Variants in ADARB2 observed in about 807,000 individuals in gnomAD.
ADARB2 encodes the protein adenosine deaminase RNA specific B2 (inactive).
Under a neutral mutation model 62.2 loss-of-function variants are expected in ADARB2, and 25 were observed. The observed-to-expected ratio is 0.40, with a 90% confidence interval of 0.29 to 0.56. ADARB2 has a LOEUF of 0.56. Ranked by LOEUF, ADARB2 falls within the 20% of genes least tolerant of loss-of-function variation. The pLI is 0.43. For missense variants in ADARB2, 1,071 were observed against 1,077.4 expected (o/e 0.99, Z 0.08); for synonymous variants, 572 against 500.8 (o/e 1.14, Z -1.90).
intron 1 of ADARB2, among the ~76,000 whole-genome samples, chr10:1,414,147 T>G (rs905040849): frequency 5.3e-5 from 8 of 152,208 alleles, no homozygotes; most frequent in African/African-American, 1.9e-4. Context: ...TGTCCTGGAA[T>G]TGCTCAACCT....
At chr10:1,706,716 C>A (rs1834894134) in intron 1 of ADARB2, among the ~76,000 whole-genome samples, 1 of 152,172 alleles carries the variant, frequency 6.6e-6, no homozygotes, top group Non-Finnish European at 1.5e-5. Flanking sequence ...GTATTTTTAT[C>A]TTCTGCCTGT....
intron 1 of ADARB2, among the ~76,000 whole-genome samples, chr10:1,659,434 C>A (rs900735048): frequency 2.6e-5 from 4 of 152,188 alleles, no homozygotes; most frequent in Admixed American, 1.3e-4. Context: ...AACGAAAAAA[C>A]CAAACTGACT....
At chr10:1,516,378 G>T (rs1446805473) in intron 1 of ADARB2, among the ~76,000 whole-genome samples, 4 of 152,234 alleles carry the variant, frequency 2.6e-5, no homozygotes, top group African/African-American at 9.6e-5. Context: ...CCGAGGTGCA[G>T]CTGGATTCAG....
At chr10:1,295,947 G>A (rs1461797243) in intron 3 of ADARB2, among the ~76,000 whole-genome samples, 4 of 152,192 alleles carry the variant, frequency 2.6e-5, no homozygotes, top group Non-Finnish European at 5.9e-5. Context: ...GCAAGCATTT[G>A]CTCCTCACTC....
intron 1 of ADARB2, among the ~76,000 whole-genome samples, chr10:1,592,335 C>G (rs10903506): frequency 0.21 from 16,300 of 76,444 alleles, 13 homozygotes; most frequent in East Asian, 0.38. Flanking sequence ...CCCAAGCCAC[C>G]CTCCATAGGT....
At chr10:1,699,471 C>A (rs1271837836) in intron 1 of ADARB2, among the ~76,000 whole-genome samples, 2 of 18,516 alleles carry the variant, frequency 1.1e-4, no homozygotes, top group African/African-American at 1.7e-4. Flanking sequence ...CCCACTCCAC[C>A]GGGAGACCAG....
At chr10:1,478,506 A>G (rs576015989) in intron 1 of ADARB2, among the ~76,000 whole-genome samples, 2 of 152,358 alleles carry the variant, frequency 1.3e-5, no homozygotes, top group African/African-American at 4.8e-5. Context: ...GAAAGAGTTC[A>G]GCTTCTCAAA....
At chr10:1,456,214 A>T (rs1193160912) in intron 1 of ADARB2, among the ~76,000 whole-genome samples, 1 of 152,198 alleles carries the variant, frequency 6.6e-6, no homozygotes, top group East Asian at 1.9e-4. Context: ...TACTAGTAAG[A>T]ACGGAAACCA....
chr10:1,682,903 G>A (rs536629358), intron 1 of ADARB2, among the ~76,000 whole-genome samples: 6 of 152,312 alleles, frequency 3.9e-5, no homozygotes, highest in African/African-American at 9.6e-5. Context: ...GTGAGAGGCC[G>A]CAAAGCCCAT....
At chr10:1,201,082 T>C (rs10794730) in intron 7 of ADARB2, among the ~76,000 whole-genome samples, 99,073 of 152,192 alleles carry the variant, frequency 0.65, 35,135 homozygotes, top group East Asian at 0.99. Flanking sequence ...GAACCCGTGA[T>C]ACCAATTGCT....
intron 1 of ADARB2, among the ~76,000 whole-genome samples, chr10:1,711,889 T>C (rs1456200897): frequency 3.3e-5 from 5 of 152,176 alleles, no homozygotes; most frequent in Non-Finnish European, 1.5e-5. Flanking sequence ...TGCCTAGAAT[T>C]TCATACAACT....
intron 1 of ADARB2, among the ~76,000 whole-genome samples, chr10:1,402,918 A>G (rs1449465581): frequency 6.6e-6 from 1 of 152,184 alleles, no homozygotes; most frequent in African/African-American, 2.4e-5. Flanking sequence ...TCCAAGTGGA[A>G]CTGGGCCGGC....
intron 3 of ADARB2, among the ~76,000 whole-genome samples, chr10:1,314,533 C>T (rs1441059355): frequency 2.6e-5 from 4 of 152,220 alleles, no homozygotes; most frequent in Non-Finnish European, 5.9e-5. Context: ...TCCCCACTGC[C>T]CGGCCTCCAG....
In ADARB2 at chr10:1,310,687, A is replaced by G. The variant is rs879361874; in HGVS notation, c.1078-39618T>C. On this transcript the variant is annotated intron_variant, in intron 3 of 9. Transcript: ENST00000381312. Reference sequence around the variant, plus strand: ...GGTCCTCACGGTACCTCTGGAGGGGATCTCTGTGGTTGGGACGGGGATAAG... The same window carrying G: ...GGTCCTCACGGTACCTCTGGAGGGGGTCTCTGTGGTTGGGACGGGGATAAG... 2.5e-4 allele frequency among the ~76,000 whole-genome samples: 38 copies of G among 151,998 alleles called. 1 individual carries two copies. Among genetic ancestry groups the G allele is most frequent in the Admixed American group, 1.5e-3 (23 of 15,264 alleles).
intron 1 of ADARB2, among the ~76,000 whole-genome samples, chr10:1,400,412 C>T (rs1001453467): frequency 1.3e-5 from 2 of 152,224 alleles, no homozygotes; most frequent in African/African-American, 4.8e-5. Flanking sequence ...TGGCCTCTCA[C>T]TGCTCCCAGC....
chr10:1,466,314 G>T (rs1282755145), intron 1 of ADARB2, among the ~76,000 whole-genome samples: 1 of 152,222 alleles, frequency 6.6e-6, no homozygotes, highest in Non-Finnish European at 1.5e-5. Context: ...GGCTTCTGAT[G>T]AATGAAAACC....
chr10:1,603,437 G>A lies in ADARB2; in HGVS notation c.100+133614C>T, dbSNP rs143466275. 1.0e-3 allele frequency among the ~76,000 whole-genome samples: 159 copies of A among 152,318 alleles called. 1 individual carries two copies. Among genetic ancestry groups the A allele is most frequent in the African/African-American group, 3.2e-3 (135 of 41,576 alleles). The stretch of plus-strand genomic sequence containing the variant: ...CCAGCCCTGCTACCTGGACAGAGAT[G>A]AGGATCACAGGACTGAAGATTTCTG... On this transcript the variant is annotated intron_variant, in intron 1 of 9. Coordinates refer to ENST00000381312, the MANE Select transcript of ADARB2 (RefSeq NM_018702.4).
At chr10:1,394,930 TTC>T in intron 1 of ADARB2, 1 of 455,960 alleles carries the variant, frequency 2.2e-6, no homozygotes, top group Non-Finnish European at 4.4e-6. Flanking sequence ...CTCTCTCTCT[TTC>T]TTTCTTTCGA....
intron 1 of ADARB2, among the ~76,000 whole-genome samples, chr10:1,445,102 TATCCATCCATCC>T (rs368381647): frequency 1.4e-5 from 2 of 143,264 alleles, no homozygotes; most frequent in Admixed American, 6.9e-5. Flanking sequence ...CCCACCCATC[TATCCATCCATCC>T]ATCCATCCAT....
Sources: gnomAD v4.1 joint callset for allele counts (sites outside exome capture counted in the v4.1 genomes callset) on GRCh38, gnomAD v4.1.1 for gene constraint, MANE v1.5 for transcripts, NCBI Gene and HGNC (gene_info 2026-07-23, HGNC 2026-07-21) for gene names.